ICE1: variants seen among roughly 807,000 people sequenced by gnomAD.
ICE1 encodes the protein little elongation complex subunit 1.
In ICE1, 64 loss-of-function variants were observed where a neutral mutation model predicts 192.7. The ratio of observed to expected loss-of-function variants is 0.33; its 90% CI spans 0.27 to 0.41. The LOEUF (loss-of-function observed/expected upper bound fraction) is 0.41. ICE1 is among the 10% of genes least tolerant of loss of function. The pLI is 1.00. For synonymous variants in ICE1, 1,010 were observed against 984.5 expected, an observed-to-expected ratio of 1.03 and a Z score of -0.49; for missense variants, 2,708 against 2,696.0, an observed-to-expected ratio of 1.00 and a Z score of -0.10.
chr5:5,487,023 G>A (rs531285252), intron 18 of ICE1, among the ~76,000 whole-genome samples: 6 of 152,236 alleles, frequency 3.9e-5, no homozygotes, highest in South Asian at 2.1e-4. Context: ...AATAAAAGTC[G>A]TTTGCCTTGT....
intron 16 of ICE1, 136 bp downstream of exon 16, chr5:5,473,884 A>G: frequency 1.6e-6 from 1 of 637,676 alleles, no homozygotes; most frequent in South Asian, 2.3e-5. Flanking sequence ...CACTGTTTTT[A>G]TTTTATAAGA....
chr5:5,464,567 C>T lies in ICE1; in HGVS notation c.5233C>T (p.Gln1745Ter). The T allele has an allele frequency of 6.2e-7, 1 of 1,612,846 alleles. No individual in the cohort carries two copies. The highest frequency in any genetic ancestry group is 1.1e-5 in the South Asian group (1 of 90,942). Reference sequence around the variant, plus strand: ...TGGCCACGCTGCTGTGGGAGGGCCTCAGGAGAATTCTGTGAAAATCCTTGA... The same window carrying T: ...TGGCCACGCTGCTGTGGGAGGGCCTTAGGAGAATTCTGTGAAAATCCTTGA... ...ASGHAAVGGP[Q>*]ENSVKILDTM... The change falls in exon 13 of 19, where the codon CAG (glutamine) becomes TAG (stop). Residue 1745 changes from glutamine to a stop codon, truncating the protein, a stop_gained. Transcript: ENST00000296564. LOFTEE classifies it high-confidence loss of function. The surrounding 1 kb of genome is among the most constrained non-coding windows in gnomAD (Gnocchi z 4.0).
chr5:5,425,524 T>C (rs956335739), intron 1 of ICE1, among the ~76,000 whole-genome samples: 1 of 152,246 alleles, frequency 6.6e-6, no homozygotes, highest in African/African-American at 2.4e-5. Flanking sequence ...ATTTGGATTT[T>C]CTGTGGCCTG....
chr5:5,435,659 T>TTG (rs1737847280), intron 1 of ICE1, among the ~76,000 whole-genome samples: 1 of 124,384 alleles, frequency 8.0e-6, no homozygotes, highest in African/African-American at 3.0e-5. Flanking sequence ...AAATTTGTGT[T>TTG]TTTTTTTTTT....
rs546330735 is a variant in ICE1, at chr5:5,433,944, A to T, written c.85-2474A>T. On this transcript the variant is annotated intron_variant, in intron 1 of 18. Transcript: ENST00000296564. Reference sequence around the variant, plus strand: ...TCACTTATGAACATAGATGAAAAAAAAAAACCTAAGTAGGATATTGGGGAA... The same window carrying T: ...TCACTTATGAACATAGATGAAAAAATAAAACCTAAGTAGGATATTGGGGAA... Among the ~76,000 whole-genome samples the T allele has an allele frequency of 2.9e-4, 44 of 152,184 alleles. 1 individual carries two copies. Among genetic ancestry groups the T allele is most frequent in the Non-Finnish European group, 5.0e-4 (34 of 68,024 alleles).
At chr5:5,487,355 C>G (rs1020288101) in intron 18 of ICE1, among the ~76,000 whole-genome samples, 2 of 152,148 alleles carry the variant, frequency 1.3e-5, no homozygotes, top group African/African-American at 4.8e-5. Context: ...AAGCTTAACT[C>G]AAAGTAACTC....
At chr5:5,429,949 A>C (rs1221792482) in intron 1 of ICE1, among the ~76,000 whole-genome samples, 1 of 152,226 alleles carries the variant, frequency 6.6e-6, no homozygotes, top group Non-Finnish European at 1.5e-5. Context: ...AGCTTAAGAA[A>C]TCACCCAGAA....
chr5:5,447,811 T>C, intron 9 of ICE1, 30 bp from the exon 10 acceptor site: 1 of 1,571,226 alleles, frequency 6.4e-7, no homozygotes, highest in Non-Finnish European at 8.7e-7. Flanking sequence ...ATGTAGTATT[T>C]TATTAACCGT....
intron 1 of ICE1, among the ~76,000 whole-genome samples, chr5:5,428,040 G>T (rs528714900): frequency 8.5e-5 from 13 of 152,184 alleles, no homozygotes; most frequent in Non-Finnish European, 1.5e-4. Flanking sequence ...TGGAGGGAGA[G>T]TGTTGTAGAC....
intron 7 of ICE1, among the ~76,000 whole-genome samples, chr5:5,444,954 C>T (rs554025155): frequency 1.2e-3 from 183 of 152,204 alleles, no homozygotes; most frequent in African/African-American, 4.2e-3. Flanking sequence ...TTTTTCCTCC[C>T]TTCATTGTGT....
intron 1 of ICE1, among the ~76,000 whole-genome samples, chr5:5,425,711 T>A (rs781641922): frequency 1.3e-5 from 2 of 152,234 alleles, no homozygotes; most frequent in Non-Finnish European, 2.9e-5. Context: ...TGAAGGTTTT[T>A]GCATAGTTAC....
At chr5:5,436,996 G>T in intron 2 of ICE1, 84 bp from the exon 3 acceptor site, 1 of 819,116 alleles carries the variant, frequency 1.2e-6, no homozygotes, top group Non-Finnish European at 2.0e-6. Context: ...TCTAGAGGGT[G>T]CCTTGCATGG....
chr5:5,429,701 T>C (rs1245841883), intron 1 of ICE1, among the ~76,000 whole-genome samples: 2 of 152,222 alleles, frequency 1.3e-5, no homozygotes, highest in South Asian at 2.1e-4. Context: ...TCTTCTGTCA[T>C]GTCCTCTCAG....
chr5:5,437,985 A>G (rs1248800356), intron 3 of ICE1: 1 of 152,214 alleles, frequency 6.6e-6, no homozygotes, highest in Non-Finnish European at 1.5e-5. Flanking sequence ...TGTTGGTACC[A>G]TCTGTACTAG....
intron 13 of ICE1, 34 bp downstream of exon 13, chr5:5,465,260 A>G (rs1367719040): frequency 1.4e-6 from 2 of 1,418,698 alleles, no homozygotes; most frequent in Non-Finnish European, 9.5e-7. Flanking sequence ...TGCATTAGGG[A>G]TTACATGTCC....
chr5:5,427,191 C>T (rs1242271140), intron 1 of ICE1, among the ~76,000 whole-genome samples: 4 of 152,130 alleles, frequency 2.6e-5, no homozygotes, highest in Non-Finnish European at 5.9e-5. Flanking sequence ...GTCTTTTGCT[C>T]GTAGTCTCAC....
chr5:5,426,076 A>G (rs993869629), intron 1 of ICE1, among the ~76,000 whole-genome samples: 4 of 152,330 alleles, frequency 2.6e-5, no homozygotes, highest in Middle Eastern at 6.8e-3. Flanking sequence ...TGTTTGTGGA[A>G]CACAGTGCTT....
Position 5,422,710 on chromosome 5 carries a change from G to A in ICE1, c.-206G>A. On this transcript the variant is annotated 5_prime_UTR_variant, in exon 1 of 19. Coordinates refer to ENST00000296564, the MANE Select transcript of ICE1 (RefSeq NM_015325.3). ...TCGCGCTCGGGGGCCGCGCCGGGTA[G>A]CGTTTCTTTTTAGTGCCTGAGGCAG... The A allele has an allele frequency of 2.8e-6, 1 of 354,730 alleles. No homozygotes were observed. The highest frequency in any genetic ancestry group is 5.0e-6 in the Non-Finnish European group (1 of 199,034). The allele number at this position is 354,730 out of a possible 1,614,324, so 22.0% of individuals were successfully genotyped here.
rs369265498 is a variant in ICE1 at position 5,467,402 on chromosome 5, TTTC to T, written c.6061+910_6061+912del. 4.1e-4 allele frequency among the ~76,000 whole-genome samples: 62 copies of T among 152,234 alleles called. No individual in the cohort carries two copies. In the East Asian group the frequency reaches 7.3e-3, roughly 18 times the overall value. ...TGGGCTCGGCCAGGACCACGATGGA[TTTC>T]TTCTTCTTCCTCAACCACAGCAAGC... On this transcript the variant is annotated intron_variant, in intron 14 of 18. Transcript: ENST00000296564.
Sources: gnomAD v4.1 joint callset for allele counts (sites outside exome capture counted in the v4.1 genomes callset) on GRCh38, gnomAD v4.1.1 for gene constraint, Gnocchi (gnomAD v3.1) non-coding constraint, MANE v1.5 for transcripts, NCBI Gene and HGNC (gene_info 2026-07-23, HGNC 2026-07-21) for gene names.